The following LRRC38 variants were observed in gnomAD, a reference collection of about 807,000 sequenced individuals.
LRRC38 encodes leucine-rich repeat-containing protein 38.
Under a neutral mutation model 16.4 loss-of-function variants are expected in LRRC38, and 5 were observed. The observed-to-expected ratio is 0.31, with a 90% CI of 0.16 to 0.64. LRRC38 has a LOEUF of 0.64. LRRC38 is among the 30% of genes least tolerant of loss of function. The pLI, the probability that LRRC38 is intolerant of heterozygous loss-of-function variation, is 0.80. For synonymous variants in LRRC38, 191 were observed against 190.2 expected, an observed-to-expected ratio of 1.00 and a Z score of -0.04; for missense variants, 341 against 401.8, an observed-to-expected ratio of 0.85 and a Z score of 1.29.
At chr1:13,512,914 TCTCCCTGCCCCCCTCC>T in intron 1 of LRRC38, 33 bp downstream of exon 1, 1 of 1,386,396 alleles carries the variant, frequency 7.2e-7, no homozygotes, top group Non-Finnish European at 9.8e-7. Context: ...TGGGGTGGCC[TCTCCCTGCCCCCCTCC>T]CTCCCTCCCC....
At chr1:13,500,485 C>A (rs354573) in intron 1 of LRRC38, among the ~76,000 whole-genome samples, 105,434 of 152,072 alleles carry the variant, frequency 0.69, 36,675 homozygotes, top group Middle Eastern at 0.79. Context: ...CATTCAGCAA[C>A]AGGCTAATCA....
chr1:13,478,679 T>C (rs1347285230), intron 1 of LRRC38, among the ~76,000 whole-genome samples: 1 of 152,196 alleles, frequency 6.6e-6, no homozygotes, highest in African/African-American at 2.4e-5. Flanking sequence ...GTTGAAATGA[T>C]TTCTTCACAC....
chr1:13,495,839 T>A (rs917479842), intron 1 of LRRC38, among the ~76,000 whole-genome samples: 1 of 152,092 alleles, frequency 6.6e-6, no homozygotes, highest in African/African-American at 2.4e-5. Context: ...CATGGGCCCA[T>A]CTTCTGAGGT....
intron 1 of LRRC38, among the ~76,000 whole-genome samples, chr1:13,504,122 G>A (rs3013047): frequency 0.33 from 49,842 of 152,128 alleles, 10,540 homozygotes; most frequent in East Asian, 0.8. Flanking sequence ...TGCTTTAAAC[G>A]AAGACAAAAT....
chr1:13,506,569 T>G (rs1450873209), intron 1 of LRRC38, among the ~76,000 whole-genome samples: 1 of 152,342 alleles, frequency 6.6e-6, no homozygotes, highest in East Asian at 1.9e-4. Flanking sequence ...GCGATTCTCC[T>G]GCCTCAGCCT....
At chr1:13,482,603 T>C (rs1466869132) in intron 1 of LRRC38, among the ~76,000 whole-genome samples, 2 of 139,416 alleles carry the variant, frequency 1.4e-5, no homozygotes, top group Non-Finnish European at 3.1e-5. Flanking sequence ...AAAAAGAAAG[T>C]GCAACGCCCC....
rs976935859 is a variant in LRRC38, at chr1:13,501,729, G to T, written c.631+11234C>A. 1.4e-4 allele frequency among the ~76,000 whole-genome samples: 21 copies of T among 150,266 alleles called. 1 individual carries two copies. The highest frequency in any genetic ancestry group is 2.8e-4 in the Non-Finnish European group (19 of 67,482). Reference sequence around the variant, plus strand: ...CTGCCTCAGCCTCCCTAGCAGCTGGGATTACAGGTGCGCGCCACCATGCCC... The same window carrying T: ...CTGCCTCAGCCTCCCTAGCAGCTGGTATTACAGGTGCGCGCCACCATGCCC... On this transcript the variant is annotated intron_variant, in intron 1 of 1. Transcript: ENST00000376085.
chr1:13,486,962 G>A (rs1023885290), intron 1 of LRRC38, among the ~76,000 whole-genome samples: 1 of 152,118 alleles, frequency 6.6e-6, no homozygotes, highest in Non-Finnish European at 1.5e-5. Flanking sequence ...GCCACAGTCT[G>A]TCTCTCCCAG....
At chr1:13,505,889 C>T (rs1639206346) in intron 1 of LRRC38, among the ~76,000 whole-genome samples, 2 of 140,822 alleles carry the variant, frequency 1.4e-5, no homozygotes, top group Admixed American at 7.1e-5. Context: ...CTGGTGTGGC[C>T]TGGGTGGGGA....
chr1:13,484,327 T>A (rs913516959), intron 1 of LRRC38, among the ~76,000 whole-genome samples: 4 of 152,178 alleles, frequency 2.6e-5, no homozygotes, highest in African/African-American at 9.7e-5. Context: ...AGCAGGTATT[T>A]ATTTTCTGTC....
chr1:13,484,854 A>G (rs1638911841), intron 1 of LRRC38, among the ~76,000 whole-genome samples: 1 of 152,212 alleles, frequency 6.6e-6, no homozygotes, highest in African/African-American at 2.4e-5. Context: ...GTTCGCAGAT[A>G]AGCAAACTGA....
intron 1 of LRRC38, among the ~76,000 whole-genome samples, chr1:13,491,159 G>T (rs80150574): frequency 0.015 from 2,273 of 152,168 alleles, 91 homozygotes; most frequent in South Asian, 0.089. Context: ...TGTCACACTG[G>T]GTGGAGCGCC....
intron 1 of LRRC38, among the ~76,000 whole-genome samples, chr1:13,512,159 G>A (rs1639280777): frequency 1.3e-5 from 2 of 152,132 alleles, no homozygotes; most frequent in South Asian, 4.1e-4. Flanking sequence ...CCTGCCACCT[G>A]CCTCCTCACT....
Position 13,476,070 on chromosome 1 carries a change from T to C in LRRC38, c.661A>G (p.Met221Val). Residue 221 changes from methionine to valine, a missense_variant, in exon 2 of 2, where the codon ATG (methionine) becomes GTG (valine). Met to Val is a conservative substitution (Grantham distance 21). Transcript: ENST00000376085. Reference protein sequence around the residue: ...GLDEIQCSLPMESRRISLREL... With the variant: ...GLDEIQCSLPVESRRISLREL... ...CGCAGGGATATCCTCCTGCTCTCCA[T>C]GGGCAGGGAGCACTGGATTTCATCA... 2 of 1,550,398 alleles carry C rather than the reference T, an allele frequency of 1.3e-6. No homozygotes were observed. Among genetic ancestry groups the C allele is most frequent in the South Asian group, 2.4e-5 (2 of 84,034 alleles).
chr1:13,512,931 C>A, intron 1 of LRRC38, 32 bp downstream of exon 1: 3 of 1,404,092 alleles, frequency 2.1e-6, no homozygotes, highest in South Asian at 2.6e-5. Context: ...GCCCCCCTCC[C>A]TCCCTCCCCC....
intron 1 of LRRC38, among the ~76,000 whole-genome samples, chr1:13,493,999 G>A (rs164949): frequency 0.15 from 23,572 of 152,142 alleles, 2,131 homozygotes; most frequent in African/African-American, 0.23. Context: ...GGAGGCGGAG[G>A]TTGCGGTGAG....
chr1:13,498,796 T>C (rs1006045161), intron 1 of LRRC38, among the ~76,000 whole-genome samples: 1 of 152,168 alleles, frequency 6.6e-6, no homozygotes, highest in Non-Finnish European at 1.5e-5. Flanking sequence ...CTGGGTGGCT[T>C]ATACAACGGA....
At chr1:13,480,709 C>T (rs115689880) in intron 1 of LRRC38, among the ~76,000 whole-genome samples, 10,232 of 152,264 alleles carry the variant, frequency 0.067, 454 homozygotes, top group Middle Eastern at 0.14. Context: ...TGCCTGCCAC[C>T]GTGTAAGACG....
intron 1 of LRRC38, among the ~76,000 whole-genome samples, chr1:13,485,285 A>AAAAAAAACAAAAAAAAC (rs1553134929): frequency 2.0e-5 from 3 of 149,122 alleles, no homozygotes; most frequent in African/African-American, 7.6e-5. Context: ...CTTAAAAAAA[A>AAAAAAAACAAAAAAAAC]AAAAAAAAAC....
Sources: gnomAD v4.1 joint callset for allele counts (sites outside exome capture counted in the v4.1 genomes callset) on GRCh38, gnomAD v4.1.1 for gene constraint, MANE v1.5 for transcripts, NCBI Gene and HGNC (gene_info 2026-07-23, HGNC 2026-07-21) for gene names.